PITPNM1: variants seen among roughly 807,000 people sequenced by gnomAD.
The protein encoded by PITPNM1 is membrane-associated phosphatidylinositol transfer protein 1.
Under a neutral mutation model 133.3 loss-of-function variants are expected in PITPNM1, and 74 were observed. The ratio of observed to expected loss-of-function variants is 0.56; its 90% CI spans 0.46 to 0.67. The LOEUF is 0.67. Ranked by LOEUF, PITPNM1 falls within the 30% of genes least tolerant of loss-of-function variation. PITPNM1 has a pLI of 0.00. For missense variants in PITPNM1, 1,398 were observed against 1,739.5 expected (o/e 0.80, Z 3.49); for synonymous variants, 738 against 741.4 (o/e 1.00, Z 0.08).
Position 67,494,866 on chromosome 11 carries a change from G to A in PITPNM1, c.2722C>T (p.Arg908Cys), listed in dbSNP as rs1192695331. Residue 908 changes from arginine (R) to cysteine (C), a missense_variant, in exon 18 of 24, where the codon CGC (arginine) becomes TGC (cysteine). Coordinates refer to ENST00000356404, the MANE Select transcript of PITPNM1 (RefSeq NM_004910.3). The stretch of plus-strand genomic sequence containing the variant: ...CCTACCCGGATCTTGACCTGCGTGC[G>A]TTTTCGCTGCCACTTCTCCCTGGGG... Reference protein sequence around the residue: ...AFPREKWQRKRTQVKIRNVTS... With the variant: ...AFPREKWQRKCTQVKIRNVTS... 4 of 1,612,596 alleles carry A rather than the reference G, an allele frequency of 2.5e-6. 1 individual carries two copies. In the South Asian group the frequency reaches 4.4e-5, roughly 18 times the overall value.
chr11:67,498,124 A>C lies in PITPNM1; in HGVS notation c.1674+9T>G, dbSNP rs1317097456. Reference sequence around the variant, plus strand: ...GAGGGCAGCAGATGGACTGTCCCTAACCGCTGACCTGCCCACAGAAGCCGG... The same window carrying C: ...GAGGGCAGCAGATGGACTGTCCCTACCCGCTGACCTGCCCACAGAAGCCGG... On this transcript the variant is annotated intron_variant, in intron 11 of 23. Coordinates refer to ENST00000356404, the MANE Select transcript of PITPNM1 (RefSeq NM_004910.3). This position sits in a 1 kb window ranked among gnomAD's most constrained non-coding sequence, Gnocchi z 5.7. 6 of 1,611,794 alleles carry C rather than the reference A, an allele frequency of 3.7e-6. No homozygotes were observed. The highest frequency in any genetic ancestry group is 5.1e-6 in the Non-Finnish European group (6 of 1,179,856).
chr11:67,502,450 C>T lies in PITPNM1; in HGVS notation c.294-37G>A, dbSNP rs1254288563. 6.2e-7 allele frequency: 1 copy of T among 1,613,422 alleles called. No homozygotes were observed. The highest frequency in any genetic ancestry group is 8.5e-7 in the Non-Finnish European group (1 of 1,179,824). The stretch of plus-strand genomic sequence containing the variant: ...GCACGGGTGAGGCTCACTGCTGTAC[C>T]CACCAGGGCCGCTCCCCTCCTGGCC... On this transcript the variant is annotated intron_variant, in intron 3 of 23. Transcript: ENST00000356404. The surrounding 1 kb of genome is among the most constrained non-coding windows in gnomAD (Gnocchi z 5.9).
At chr11:67,497,184 AG>A (rs1185798345) in intron 14 of PITPNM1, 46 bp downstream of exon 14, 2 of 1,469,010 alleles carry the variant, frequency 1.4e-6, no homozygotes, top group Admixed American at 2.1e-5. Context: ...TGGGGAAGGA[AG>A]GGGCAGACAG....
intron 2 of PITPNM1, 176 bp downstream of exon 2, chr11:67,503,927 G>A (rs190888437): frequency 0.014 from 7,174 of 529,326 alleles, 116 homozygotes; most frequent in South Asian, 0.029. Context: ...TAGCGGATGG[G>A]AAGCACCACT....
At position 67,491,843 on chromosome 11, in the gene PITPNM1, T is replaced by C; in HGVS notation, c.*190A>G. ...CTCTGCGCCCATGCCCACGCCCTCC[T>C]CCCTCCCCCCGGCGCTGGGTCCCCT... On this transcript the variant is annotated 3_prime_UTR_variant, in exon 24 of 24. Transcript: ENST00000356404. 1.6e-6 allele frequency: 1 copy of C among 640,812 alleles called. No individual in the cohort carries two copies. 39.7% of individuals were successfully genotyped at this position (640,812 alleles called of 1,614,324 possible).
Position 67,498,171 on chromosome 11 carries a change from A to AG in PITPNM1, c.1635dup (p.Phe546LeufsTer6). On this transcript the variant is annotated frameshift_variant, in exon 11 of 24. Transcript: ENST00000356404. LOFTEE classifies it high-confidence loss of function. This position sits in a 1 kb window ranked among gnomAD's most constrained non-coding sequence, Gnocchi z 5.7. ...CCGGCACCCTCAGGTGAGCGCAGGAAGGCTGAGTAGGCCTGGTTGGTGCGG... is the reference window on the plus strand; with the variant it reads ...CCGGCACCCTCAGGTGAGCGCAGGAAGGGCTGAGTAGGCCTGGTTGGTGCGG... 6.2e-7 allele frequency: 1 copy of AG among 1,613,242 alleles called. No homozygotes were observed. Among genetic ancestry groups the AG allele is most frequent in the Non-Finnish European group, 8.5e-7 (1 of 1,179,958 alleles).
At position 67,492,138 on chromosome 11, in the gene PITPNM1, C is replaced by T. The variant is rs61755427; in HGVS notation, c.3630G>A (p.Ser1210=). 4.6e-4 allele frequency: 747 copies of T among 1,611,680 alleles called. 2 individuals carry two copies. The highest frequency in any genetic ancestry group is 6.0e-4 in the Non-Finnish European group (703 of 1,179,818). ...CACGCTCCGCCTGGCTGGGGCCCCT[C>T]GAGCGAAGCAGCTGGCTCTGTTTGC... The part of the protein sequence containing the change: ...FLRKQSQLLR[S]RGPSQAEREG... The change falls in exon 24 of 24, where the codon TCG becomes TCA. Residue 1210 remains serine (S), a synonymous_variant. Transcript: ENST00000356404.
At chr11:67,492,383 AG>A in intron 23 of PITPNM1, 87 bp from the exon 24 acceptor site, 2 of 1,341,118 alleles carry the variant, frequency 1.5e-6, no homozygotes, top group Non-Finnish European at 2.0e-6. Flanking sequence ...CACCTGAGGC[AG>A]GCTGGGGGAC....
Position 67,493,410 on chromosome 11 carries a change from C to T in PITPNM1, c.3342G>A (p.Glu1114=). The T allele has an allele frequency of 6.3e-7, 1 of 1,582,838 alleles. No homozygotes were observed. The highest frequency in any genetic ancestry group is 2.3e-5 in the East Asian group (1 of 43,882). ...KAMFLQSLVQ[E]VELNIVAGYG... ...CCGGAGCCTCCCCCAGCCGCCGCACCTCCTGCACCAGGCTCTGCAGAAACA... is the reference window on the plus strand; with the variant it reads ...CCGGAGCCTCCCCCAGCCGCCGCACTTCCTGCACCAGGCTCTGCAGAAACA... Residue 1114 remains glutamate, a splice_region_variant and synonymous_variant, in exon 22 of 24, where the codon GAG becomes GAA. Transcript: ENST00000356404.
At position 67,498,187 on chromosome 11, in the gene PITPNM1, G is replaced by T; in HGVS notation, c.1620C>A (p.Asn540Lys). Residue 540 changes from asparagine (N) to lysine (K), a missense_variant, in exon 11 of 24, where the codon AAC (asparagine) becomes AAA (lysine). Around this residue, in one of 5 missense-constraint regions of PITPNM1, gnomAD observed 574 missense variants for 698.7 expected, o/e 0.82. Transcript: ENST00000356404. The surrounding 1 kb of genome is among the most constrained non-coding windows in gnomAD (Gnocchi z 5.7). ...AGCGCAGGAAGGCTGAGTAGGCCTG[G>T]TTGGTGCGGGCAATGACGGTGGCCA... The part of the protein sequence containing the change: ...GAVATVIART[N>K]QAYSAFLRSP... 6.2e-7 allele frequency: 1 copy of T among 1,613,342 alleles called. No individual in the cohort carries two copies. Among genetic ancestry groups the T allele is most frequent in the Non-Finnish European group, 8.5e-7 (1 of 1,179,956 alleles).
chr11:67,495,280 T>C lies in PITPNM1; in HGVS notation c.2483-55A>G. The C allele has an allele frequency of 3.3e-6, 5 of 1,522,338 alleles. No individual in the cohort carries two copies. In the South Asian group the frequency reaches 3.8e-5, roughly 12 times the overall value. The allele number at this position is 1,522,338 out of a possible 1,614,324, so 94.3% of individuals were successfully genotyped here. ...GCCTCCTGCCCCACACCCATCTGCC[T>C]GGGCGCTGGGTGCTCTTCCCTCCCC... On this transcript the variant is annotated intron_variant, in intron 16 of 23. Transcript: ENST00000356404.
At position 67,491,922 on chromosome 11, in the gene PITPNM1, T is replaced by TGG; in HGVS notation, c.*109_*110dup. 1 of 1,221,694 alleles carries TGG rather than the reference T, an allele frequency of 8.2e-7. No individual in the cohort carries two copies. Among genetic ancestry groups the TGG allele is most frequent in the South Asian group, 1.4e-5 (1 of 70,136 alleles). 75.7% of individuals were successfully genotyped at this position (1,221,694 alleles called of 1,614,324 possible). On this transcript the variant is annotated 3_prime_UTR_variant, in exon 24 of 24. Coordinates refer to ENST00000356404, the MANE Select transcript of PITPNM1 (RefSeq NM_004910.3). ...CACACGGAGATATAGGGTGTGGGGC[T>TGG]GGGGGGGCCAGCGCTGGGGCCAAAA... is the stretch of plus-strand genomic sequence containing the variant.
At chr11:67,503,397 C>A (rs1017848179) in intron 2 of PITPNM1, among the ~76,000 whole-genome samples, 2 of 152,186 alleles carry the variant, frequency 1.3e-5, no homozygotes, top group African/African-American at 2.4e-5. Context: ...AGGCCCTGAC[C>A]CTGGCCCCCT....
Position 67,504,253 on chromosome 11 carries a change from G to C in PITPNM1, c.-41-32C>G, listed in dbSNP as rs1456548878. ...CAGGGCACGGCGCGACAGTCAGTGC[G>C]GGGAGGCTGCGCGCGGCCCCGAGCC... On this transcript the variant is annotated intron_variant, in intron 1 of 23. Transcript: ENST00000356404. This position sits in a 1 kb window ranked among gnomAD's most constrained non-coding sequence, Gnocchi z 5.4. 9.6e-7 allele frequency: 1 copy of C among 1,045,552 alleles called. No individual in the cohort carries two copies. The highest frequency in any genetic ancestry group is 3.2e-5 in the East Asian group (1 of 30,982). The allele number at this position is 1,045,552 out of a possible 1,614,324, so 64.8% of individuals were successfully genotyped here.
At chr11:67,493,107 G>C (rs756865771) in intron 22 of PITPNM1, 45 bp from the exon 23 acceptor site, 1 of 1,608,974 alleles carries the variant, frequency 6.2e-7, no homozygotes, top group Non-Finnish European at 8.5e-7. Context: ...GTGGAGCCGT[G>C]CAGCTGGGGG....
Position 67,494,441 on chromosome 11 carries a change from C to G in PITPNM1, c.2743-81G>C, listed in dbSNP as rs1866039727. 2.0e-5 allele frequency: 18 copies of G among 914,960 alleles called. No individual in the cohort carries two copies. In the South Asian group the frequency reaches 2.8e-4, roughly 14 times the overall value. 56.7% of individuals were successfully genotyped at this position (914,960 alleles called of 1,614,324 possible). ...GAGGGGGAGCGGGTGAGGATCCACA[C>G]GCAAACACCGGGGTGGGGGCCTAGA... On this transcript the variant is annotated intron_variant, in intron 18 of 23. Coordinates refer to ENST00000356404, the MANE Select transcript of PITPNM1 (RefSeq NM_004910.3).
intron 2 of PITPNM1, among the ~76,000 whole-genome samples, chr11:67,503,414 C>T (rs949523162): frequency 2.0e-5 from 3 of 152,100 alleles, no homozygotes; most frequent in African/African-American, 7.2e-5. Context: ...CCCTCCCTCT[C>T]TGGGAGGCCC....
At chr11:67,493,652 G>C in intron 21 of PITPNM1, 36 bp downstream of exon 21, 1 of 1,545,084 alleles carries the variant, frequency 6.5e-7, no homozygotes, top group Non-Finnish European at 8.7e-7. Flanking sequence ...CGGTCACCCC[G>C]GTGAAATGGG....
intron 14 of PITPNM1, chr11:67,496,981 TG>T (rs1866141087): frequency 2.6e-6 from 1 of 383,630 alleles, no homozygotes; most frequent in East Asian, 4.1e-5. Flanking sequence ...GATTTGCTGC[TG>T]TGGTGTCTGA....
Sources: gnomAD v4.1 joint callset for allele counts (sites outside exome capture counted in the v4.1 genomes callset) on GRCh38, gnomAD v4.1.1 for gene constraint, gnomAD v4.1.1 regional missense constraint, Gnocchi (gnomAD v3.1) non-coding constraint, MANE v1.5 for transcripts, NCBI Gene and HGNC (gene_info 2026-07-23, HGNC 2026-07-21) for gene names.